Variants in FBXL17 observed in about 807,000 individuals in gnomAD.
FBXL17 encodes F-box and leucine rich repeat protein 17, also known as F-box/LRR-repeat protein 17.
In FBXL17, 22 loss-of-function variants were observed where a neutral mutation model predicts 66.2. The ratio of observed to expected loss-of-function variants is 0.33; its 90% CI spans 0.24 to 0.47. The LOEUF is 0.47. Ranked by LOEUF, FBXL17 falls within the 20% of genes least tolerant of loss-of-function variation. The pLI, the probability that FBXL17 is intolerant of heterozygous loss-of-function variation, is 1.00. For synonymous variants in FBXL17, 474 were observed against 400.5 expected (o/e 1.18, Z -2.19); for missense variants, 878 against 948.2 (o/e 0.93, Z 0.97).
chr5:108,123,603 A>T (rs866432248), intron 6 of FBXL17, among the ~76,000 whole-genome samples: 2 of 152,196 alleles, frequency 1.3e-5, no homozygotes, highest in Non-Finnish European at 2.9e-5. Flanking sequence ...GATGAAAGAA[A>T]AAAAACAGCA....
At chr5:108,070,870 A>G (rs555636485) in intron 6 of FBXL17, among the ~76,000 whole-genome samples, 17 of 152,318 alleles carry the variant, frequency 1.1e-4, no homozygotes, top group East Asian at 3.9e-4. Context: ...GGGAACTGCA[A>G]TTTTAATTTG....
intron 8 of FBXL17, among the ~76,000 whole-genome samples, chr5:107,870,909 T>C (rs1197498000): frequency 3.9e-5 from 6 of 152,012 alleles, no homozygotes; most frequent in Non-Finnish European, 8.8e-5. Context: ...ACTATGTTAC[T>C]GGAGCCTAAA....
At chr5:108,319,138 AAACTT>A (rs1759503762) in intron 4 of FBXL17, among the ~76,000 whole-genome samples, 1 of 151,874 alleles carries the variant, frequency 6.6e-6, no homozygotes, top group African/African-American at 2.4e-5. Flanking sequence ...CATTCCACTT[AAACTT>A]ATTTATCTTC....
In FBXL17 at chr5:108,367,855, C is replaced by T. The variant is rs1748772074; in HGVS notation, c.1092G>A (p.Gln364=). The T allele has an allele frequency of 6.4e-7, 1 of 1,550,778 alleles. No individual in the cohort carries two copies. Among genetic ancestry groups the T allele is most frequent in the African/African-American group, 1.4e-5 (1 of 72,970 alleles). The change falls in exon 2 of 9, where the codon CAG becomes CAA. Residue 364 remains glutamine, a synonymous_variant. Coordinates refer to ENST00000542267, the MANE Select transcript of FBXL17 (RefSeq NM_001163315.3). ...CCTGCTGACGACTACTAAGATCCAGCTGCTTCCAAAACTGGAAGTCTAAAC... is the reference window on the plus strand; with the variant it reads ...CCTGCTGACGACTACTAAGATCCAGTTGCTTCCAAAACTGGAAGTCTAAAC... ...DLCLDFQFWK[Q]LDLSSRQQVT...
At chr5:108,094,377 CTA>C (rs1287462898) in intron 6 of FBXL17, among the ~76,000 whole-genome samples, 1 of 152,124 alleles carries the variant, frequency 6.6e-6, no homozygotes, top group Non-Finnish European at 1.5e-5. Context: ...GGAGGGGTGA[CTA>C]TTAGGTGAAC....
chr5:108,360,092 T>C (rs530496467), intron 3 of FBXL17, among the ~76,000 whole-genome samples: 2 of 152,250 alleles, frequency 1.3e-5, no homozygotes, highest in East Asian at 3.9e-4. Flanking sequence ...CCTGGTTTTT[T>C]TGGATAATAA....
chr5:108,381,484 C>T lies in FBXL17; in HGVS notation c.208G>A (p.Ala70Thr), dbSNP rs1749924185. 1.4e-5 allele frequency: 19 copies of T among 1,349,740 alleles called. No homozygotes were observed. Among genetic ancestry groups the T allele is most frequent in the Non-Finnish European group, 1.5e-5 (16 of 1,058,962 alleles). 83.6% of individuals were successfully genotyped at this position (1,349,740 alleles called of 1,614,324 possible). A position where few individuals can be genotyped will look rare whatever the true frequency, so the allele number is the denominator to read the frequency against. Residue 70 changes from alanine (A) to threonine (T), a missense_variant, in exon 1 of 9, where the codon GCG (alanine) becomes ACG (threonine). By Grantham distance (58) the Ala-to-Thr change is moderately conservative (BLOSUM62 0). Around this residue, in one of 4 missense-constraint regions of FBXL17, gnomAD observed 605 missense variants for 509.5 expected, o/e 1.19. Coordinates refer to ENST00000542267, the MANE Select transcript of FBXL17 (RefSeq NM_001163315.3). The part of the protein sequence containing the change: ...MLCFIVHSPG[A>T]PAPAGPEEEP... The stretch of plus-strand genomic sequence containing the variant: ...TCCTCTGGGCCGGCGGGGGCGGGCG[C>T]GCCGGGACTGTGCACGATGAAGCAG...
chr5:108,176,974 T>G (rs1752816056), intron 6 of FBXL17, among the ~76,000 whole-genome samples: 1 of 152,190 alleles, frequency 6.6e-6, no homozygotes, highest in African/African-American at 2.4e-5. Flanking sequence ...AATTATTTCT[T>G]GCCAAAGGTA....
intron 6 of FBXL17, among the ~76,000 whole-genome samples, chr5:108,164,719 G>A (rs1191924184): frequency 6.6e-6 from 1 of 152,150 alleles, no homozygotes; most frequent in Non-Finnish European, 1.5e-5. Flanking sequence ...AGTTTATGAA[G>A]TAAGTACTAC....
intron 4 of FBXL17, chr5:108,301,895 A>G (rs59547451): frequency 0.034 from 10,999 of 327,470 alleles, 1,230 homozygotes; most frequent in African/African-American, 0.23. Flanking sequence ...TCTGATAACA[A>G]TGAAATCCAG....
At position 107,993,738 on chromosome 5, in the gene FBXL17, C is replaced by A. The variant is rs149251188; in HGVS notation, c.1822+27187G>T. ...GGAAGGTACACATTTTATCATTTTTCAGGAATTTTCCTGTCAAATCACACT... is the reference window on the plus strand; with the variant it reads ...GGAAGGTACACATTTTATCATTTTTAAGGAATTTTCCTGTCAAATCACACT... On this transcript the variant is annotated intron_variant, in intron 7 of 8. Transcript: ENST00000542267. 4.4e-3 allele frequency among the ~76,000 whole-genome samples: 669 copies of A among 152,190 alleles called. 2 individuals carry two copies. Among genetic ancestry groups the A allele is most frequent in the Non-Finnish European group, 6.9e-3 (469 of 67,984 alleles).
intron 7 of FBXL17, among the ~76,000 whole-genome samples, chr5:107,928,193 A>G (rs376207275): frequency 2.6e-5 from 4 of 152,190 alleles, no homozygotes; most frequent in South Asian, 4.1e-4. Flanking sequence ...ACACACAAAG[A>G]AAAAATAGGA....
At chr5:107,997,375 T>G (rs1753520152) in intron 7 of FBXL17, among the ~76,000 whole-genome samples, 1 of 152,182 alleles carries the variant, frequency 6.6e-6, no homozygotes, top group Admixed American at 6.5e-5. Context: ...TCTAGTGACA[T>G]GTCATCATTT....
At chr5:107,953,319 C>T (rs867577136) in intron 7 of FBXL17, among the ~76,000 whole-genome samples, 1 of 146,602 alleles carries the variant, frequency 6.8e-6, no homozygotes, top group African/African-American at 2.5e-5. Context: ...AGGAGAATGG[C>T]GTGAACCCAG....
chr5:107,889,773 C>T (rs762416252), intron 7 of FBXL17, among the ~76,000 whole-genome samples: 10 of 152,132 alleles, frequency 6.6e-5, no homozygotes, highest in East Asian at 1.9e-4. Flanking sequence ...GCAGCAGCAG[C>T]GAGGATAAGC....
intron 1 of FBXL17, among the ~76,000 whole-genome samples, chr5:108,379,742 A>G (rs932210862): frequency 6.6e-6 from 1 of 152,232 alleles, no homozygotes; most frequent in African/African-American, 2.4e-5. Flanking sequence ...AAAAGGAGGG[A>G]AAAAGTTAAT....
intron 6 of FBXL17, among the ~76,000 whole-genome samples, chr5:108,058,052 G>C (rs902225164): frequency 6.6e-6 from 1 of 152,170 alleles, no homozygotes; most frequent in South Asian, 2.1e-4. Flanking sequence ...ATGAGACTAA[G>C]TTACTAGATT....
chr5:108,114,803 T>A (rs984330172), intron 6 of FBXL17, among the ~76,000 whole-genome samples: 2 of 152,182 alleles, frequency 1.3e-5, no homozygotes, highest in African/African-American at 4.8e-5. Context: ...AACATATTTA[T>A]CATTGGCTTG....
intron 6 of FBXL17, among the ~76,000 whole-genome samples, chr5:108,069,804 T>C (rs893655526): frequency 6.6e-6 from 1 of 152,226 alleles, no homozygotes; most frequent in Non-Finnish European, 1.5e-5. Context: ...TTTCAAAACC[T>C]TCCTCATGCA....
Sources: allele counts gnomAD v4.1 joint callset (sites outside exome capture counted in the v4.1 genomes callset), GRCh38; gene constraint gnomAD v4.1.1; regional missense constraint gnomAD v4.1.1; transcripts MANE v1.5; gene names NCBI Gene and HGNC (gene_info 2026-07-23, HGNC 2026-07-21).